The following GNAO1 variants were observed in gnomAD, a reference collection of about 807,000 sequenced individuals.
The protein encoded by GNAO1 is G protein subunit alpha o1.
For synonymous variants in GNAO1, 164 were observed against 180.7 expected, an observed-to-expected ratio of 0.91 and a Z score of 0.74; for missense variants, 166 against 478.7, an observed-to-expected ratio of 0.35 and a Z score of 6.10.
At chr16:56,196,208 G>A (rs2036231625) in intron 2 of GNAO1, among the ~76,000 whole-genome samples, 1 of 151,982 alleles carries the variant, frequency 6.6e-6, no homozygotes, top group Admixed American at 6.6e-5. Context: ...AAATATTTCA[G>A]TACTGAGAAA....
intron 6 of GNAO1, chr16:56,340,453 C>G (rs1185833042): frequency 5.6e-6 from 1 of 177,968 alleles, no homozygotes. Flanking sequence ...TCTGCATGAG[C>G]AGGGTTCCGC....
intron 3 of GNAO1, among the ~76,000 whole-genome samples, chr16:56,284,347 C>T (rs754406718): frequency 1.3e-5 from 2 of 152,124 alleles, no homozygotes; most frequent in African/African-American, 2.4e-5. Flanking sequence ...TGGATCGGGC[C>T]GCAAGCTCCT....
At chr16:56,277,819 A>G (rs1009698635) in intron 3 of GNAO1, among the ~76,000 whole-genome samples, 13 of 139,848 alleles carry the variant, frequency 9.3e-5, no homozygotes, top group African/African-American at 3.5e-4. Flanking sequence ...ACACACACAC[A>G]CACACACACA....
intron 3 of GNAO1, 151 bp from the exon 4 acceptor site, chr16:56,328,480 G>A (rs759158205): frequency 2.9e-5 from 21 of 723,214 alleles, no homozygotes; most frequent in Non-Finnish European, 4.3e-5. Context: ...TCAGGTCGTG[G>A]CCCTCCCTGG....
intron 2 of GNAO1, among the ~76,000 whole-genome samples, chr16:56,263,650 TATTTGCCCCCC>T (rs2036925529): frequency 6.6e-6 from 1 of 152,174 alleles, no homozygotes; most frequent in South Asian, 2.1e-4. Flanking sequence ...CCCCTTTGAT[TATTTGCCCCCC>T]ATGAGTCACT....
At chr16:56,232,372 T>C (rs1251266180) in intron 2 of GNAO1, among the ~76,000 whole-genome samples, 1 of 152,208 alleles carries the variant, frequency 6.6e-6, no homozygotes, top group South Asian at 2.1e-4. Context: ...CAGGTTCATA[T>C]CCTTTGGAAT....
intron 2 of GNAO1, among the ~76,000 whole-genome samples, chr16:56,275,475 T>C (rs1403404894): frequency 1.3e-5 from 2 of 152,252 alleles, no homozygotes; most frequent in African/African-American, 2.4e-5. Flanking sequence ...GTGAATCATT[T>C]TACCTTCATT....
chr16:56,240,911 G>A (rs2036688157), intron 2 of GNAO1, among the ~76,000 whole-genome samples: 1 of 152,198 alleles, frequency 6.6e-6, no homozygotes, highest in Non-Finnish European at 1.5e-5. Context: ...GATGGAGAAG[G>A]AGAAGGCAGG....
chr16:56,276,116 T>C, intron 3 of GNAO1, 44 bp downstream of exon 3: 1 of 1,556,210 alleles, frequency 6.4e-7, no homozygotes, highest in East Asian at 2.3e-5. Context: ...AGGTTCTGTC[T>C]GTGTTACCCC....
intron 3 of GNAO1, among the ~76,000 whole-genome samples, chr16:56,309,915 T>C (rs557285581): frequency 3.9e-5 from 6 of 152,338 alleles, no homozygotes; most frequent in African/African-American, 1.4e-4. Flanking sequence ...TTCATGGATA[T>C]TAGAAAAAGA....
chr16:56,326,775 G>A lies in GNAO1; in HGVS notation c.304-1856G>A, dbSNP rs1473380491. ...ATGGGCAGAGGCAGGAGGGCGGCCC[G>A]GGGCAGCACCTGCTCTGCTCTCACC... On this transcript the variant is annotated intron_variant, in intron 3 of 8. Transcript: ENST00000262493. The surrounding 1 kb of genome is among the most constrained non-coding windows in gnomAD (Gnocchi z 4.8). 1.3e-5 allele frequency among the ~76,000 whole-genome samples: 2 copies of A among 152,222 alleles called. No individual in the cohort carries two copies. The highest frequency in any genetic ancestry group is 6.5e-5 in the Admixed American group (1 of 15,290).
chr16:56,223,856 A>T (rs1488723236), intron 2 of GNAO1, among the ~76,000 whole-genome samples: 2 of 152,246 alleles, frequency 1.3e-5, no homozygotes, highest in African/African-American at 4.8e-5. Flanking sequence ...ACTGCACTGT[A>T]TTCATCTCTT....
intron 6 of GNAO1, chr16:56,347,925 C>A: frequency 1.1e-6 from 1 of 929,418 alleles, no homozygotes; most frequent in Non-Finnish European, 1.3e-6. Context: ...CCACCCTGCC[C>A]CTGCTGAGTA....
intron 2 of GNAO1, among the ~76,000 whole-genome samples, chr16:56,252,720 C>A (rs549702707): frequency 6.6e-6 from 1 of 152,326 alleles, no homozygotes; most frequent in East Asian, 1.9e-4. Flanking sequence ...TCCACACCCC[C>A]ACATCAGGAA....
chr16:56,250,201 G>A (rs1487110332), intron 2 of GNAO1, among the ~76,000 whole-genome samples: 2 of 152,190 alleles, frequency 1.3e-5, no homozygotes, highest in Non-Finnish European at 2.9e-5. Context: ...TTGATGAGTT[G>A]TATACAGTGT....
intron 4 of GNAO1, 45 bp downstream of exon 4, chr16:56,328,836 C>T (rs775035970): frequency 1.4e-5 from 22 of 1,593,122 alleles, no homozygotes; most frequent in East Asian, 6.7e-5. Context: ...GGCAGTGATG[C>T]GGGAGTGGAA....
chr16:56,234,752 TG>T (rs1299267198), intron 2 of GNAO1, among the ~76,000 whole-genome samples: 1 of 152,160 alleles, frequency 6.6e-6, no homozygotes, highest in African/African-American at 2.4e-5. Flanking sequence ...CCTATTCCAG[TG>T]ACCACATTGG....
intron 5 of GNAO1, 113 bp downstream of exon 5, chr16:56,334,970 C>A (rs1388262760): frequency 1.8e-6 from 2 of 1,117,110 alleles, no homozygotes; most frequent in South Asian, 1.4e-5. Flanking sequence ...AGGGAACCTG[C>A]GGGCTGGGGC....
chr16:56,233,585 G>A (rs574490113), intron 2 of GNAO1, among the ~76,000 whole-genome samples: 2 of 152,306 alleles, frequency 1.3e-5, no homozygotes, highest in East Asian at 3.9e-4. Context: ...TGATTTCCTG[G>A]AAGGTGGCAG....
Sources: allele counts gnomAD v4.1 joint callset (sites outside exome capture counted in the v4.1 genomes callset), GRCh38; gene constraint gnomAD v4.1.1; non-coding constraint Gnocchi (gnomAD v3.1); transcripts MANE v1.5; gene names NCBI Gene and HGNC (gene_info 2026-07-23, HGNC 2026-07-21).